Variants in TRPC4 observed in about 807,000 individuals in gnomAD.
TRPC4 encodes short transient receptor potential channel 4.
In TRPC4, 49 loss-of-function variants were observed where a neutral mutation model predicts 99.4. The observed-to-expected ratio is 0.49, with a 90% CI of 0.39 to 0.63. The LOEUF is 0.63. Among genes scored for constraint, TRPC4 ranks in the 20% least tolerant of loss-of-function variants. TRPC4 has a pLI of 0.00. For synonymous variants in TRPC4, 454 were observed against 425.9 expected (o/e 1.07, Z -0.81); for missense variants, 898 against 1,152.9 (o/e 0.78, Z 3.20).
chr13:37,740,277 C>T (rs1397488719), intron 3 of TRPC4, among the ~76,000 whole-genome samples: 1 of 152,098 alleles, frequency 6.6e-6, no homozygotes, highest in Non-Finnish European at 1.5e-5. Context: ...TGGCATCTTG[C>T]TATAGATCTC....
chr13:37,730,109 GTTTCCAGCGA>G, intron 3 of TRPC4, among the ~76,000 whole-genome samples: 1 of 152,014 alleles, frequency 6.6e-6, no homozygotes, highest in Non-Finnish European at 1.5e-5. Flanking sequence ...GACTATTCAG[GTTTCCAGCGA>G]AAACATTAAA....
At chr13:37,787,200 T>C (rs1416286744) in intron 1 of TRPC4, among the ~76,000 whole-genome samples, 2 of 151,870 alleles carry the variant, frequency 1.3e-5, no homozygotes, top group African/African-American at 4.8e-5. Context: ...AGGAAATGAA[T>C]TTCCCTGAAC....
At chr13:37,778,265 G>A (rs549604500) in intron 2 of TRPC4, among the ~76,000 whole-genome samples, 13 of 150,626 alleles carry the variant, frequency 8.6e-5, no homozygotes, top group African/African-American at 1.7e-4. Flanking sequence ...ATATTATTAC[G>A]TCACTTAAGC....
chr13:37,669,596 T>C (rs965060449), intron 5 of TRPC4, among the ~76,000 whole-genome samples: 1 of 152,218 alleles, frequency 6.6e-6, no homozygotes, highest in Non-Finnish European at 1.5e-5. Flanking sequence ...TGTTGCATTG[T>C]ATATAAAAAT....
At chr13:37,703,366 C>A (rs1290962444) in intron 3 of TRPC4, among the ~76,000 whole-genome samples, 1 of 152,104 alleles carries the variant, frequency 6.6e-6, no homozygotes, top group African/African-American at 2.4e-5. Context: ...GCAACATGAA[C>A]TCTTCTCCAT....
chr13:37,788,377 C>T (rs940339996), intron 1 of TRPC4, among the ~76,000 whole-genome samples: 2 of 152,240 alleles, frequency 1.3e-5, no homozygotes, highest in Admixed American at 6.5e-5. Context: ...ACTTTAAGCT[C>T]ATCTTCCATT....
intron 2 of TRPC4, among the ~76,000 whole-genome samples, chr13:37,771,133 A>G (rs1956540345): frequency 6.6e-6 from 1 of 151,730 alleles, no homozygotes; most frequent in Non-Finnish European, 1.5e-5. Context: ...ATAATTACTT[A>G]TATTTACCCT....
intron 6 of TRPC4, among the ~76,000 whole-genome samples, chr13:37,660,143 C>T (rs1952380460): frequency 6.6e-6 from 1 of 151,946 alleles, no homozygotes; most frequent in African/African-American, 2.4e-5. Flanking sequence ...AGACATACCA[C>T]TATTTAAAAG....
At position 37,736,785 on chromosome 13, in the gene TRPC4, C is replaced by G. The variant is rs561577301; in HGVS notation, c.897+9152G>C. Among the ~76,000 whole-genome samples, 7 of 152,068 alleles carry G rather than the reference C, an allele frequency of 4.6e-5. No individual in the cohort carries two copies. The East Asian group carries it at 1.4e-3, about 29-fold the overall frequency. Reference sequence around the variant, plus strand: ...ACTCTGTCACCCAGGCTGAAGTGTACTGGCGCAATCATGGCTCACTGCAGC... The same window carrying G: ...ACTCTGTCACCCAGGCTGAAGTGTAGTGGCGCAATCATGGCTCACTGCAGC... On this transcript the variant is annotated intron_variant, in intron 3 of 10. Coordinates refer to ENST00000379705, the MANE Select transcript of TRPC4 (RefSeq NM_016179.4).
At chr13:37,814,118 A>C (rs584833) in intron 1 of TRPC4, among the ~76,000 whole-genome samples, 2,917 of 151,988 alleles carry the variant, frequency 0.019, 94 homozygotes, top group African/African-American at 0.067. Context: ...TTTCTCAAAG[A>C]AATTCAACAT....
intron 3 of TRPC4, among the ~76,000 whole-genome samples, chr13:37,712,919 T>C (rs1428314922): frequency 6.6e-6 from 1 of 152,174 alleles, no homozygotes; most frequent in Non-Finnish European, 1.5e-5. Context: ...CTTCCAACAT[T>C]GAAGATGCAC....
At chr13:37,868,823 G>A (rs775209827) in intron 1 of TRPC4, among the ~76,000 whole-genome samples, 1 of 152,132 alleles carries the variant, frequency 6.6e-6, no homozygotes, top group African/African-American at 2.4e-5. Flanking sequence ...AGGCAGACAA[G>A]ATAAGAGATC....
chr13:37,834,998 G>A (rs879377422), intron 1 of TRPC4, among the ~76,000 whole-genome samples: 2 of 151,688 alleles, frequency 1.3e-5, no homozygotes, highest in African/African-American at 4.8e-5. Flanking sequence ...GCCTCCCAAA[G>A]TGCTGGGATT....
chr13:37,827,466 CTGTT>C (rs1456968203), intron 1 of TRPC4, among the ~76,000 whole-genome samples: 3 of 152,276 alleles, frequency 2.0e-5, no homozygotes, highest in South Asian at 2.1e-4. Context: ...GGTGTCCTTT[CTGTT>C]TGTTAGTTTT....
At chr13:37,860,474 T>A (rs1312816890) in intron 1 of TRPC4, among the ~76,000 whole-genome samples, 1 of 151,484 alleles carries the variant, frequency 6.6e-6, no homozygotes, top group Non-Finnish European at 1.5e-5. Context: ...TGAAATCTCC[T>A]TTCTTAAAAC....
At chr13:37,643,584 T>C (rs1176770093) in intron 8 of TRPC4, among the ~76,000 whole-genome samples, 1 of 152,180 alleles carries the variant, frequency 6.6e-6, no homozygotes, top group Non-Finnish European at 1.5e-5. Flanking sequence ...TGAGCAAATA[T>C]GCTAGGGTTA....
At chr13:37,639,363 TA>T (rs1951643227) in intron 8 of TRPC4, 64 bp from the exon 9 acceptor site, 3 of 1,484,848 alleles carry the variant, frequency 2.0e-6, no homozygotes, top group Non-Finnish European at 1.8e-6. Context: ...AAAAATAATT[TA>T]TTTTTTTAAT....
intron 3 of TRPC4, among the ~76,000 whole-genome samples, chr13:37,731,588 T>C (rs930749515): frequency 7.9e-5 from 12 of 152,090 alleles, no homozygotes; most frequent in African/African-American, 2.9e-4. Context: ...TCCTAGGCAT[T>C]TGAACTTTAA....
chr13:37,865,577 C>T (rs1959687639), intron 1 of TRPC4, among the ~76,000 whole-genome samples: 1 of 151,678 alleles, frequency 6.6e-6, no homozygotes, highest in Admixed American at 6.6e-5. Flanking sequence ...CTTTAACAGA[C>T]TATTGTTTCA....
Sources: allele counts gnomAD v4.1 joint callset (sites outside exome capture counted in the v4.1 genomes callset), GRCh38; gene constraint gnomAD v4.1.1; transcripts MANE v1.5; gene names NCBI Gene and HGNC (gene_info 2026-07-23, HGNC 2026-07-21).